The following SCN3A variants were observed in gnomAD, a reference collection of about 807,000 sequenced individuals.
The protein encoded by SCN3A is sodium voltage-gated channel alpha subunit 3.
In SCN3A, 60 loss-of-function variants were observed where a neutral mutation model predicts 187.6. The observed-to-expected ratio is 0.32, with a 90% confidence interval of 0.26 to 0.40. SCN3A has a LOEUF of 0.40. Ranked by LOEUF, SCN3A falls within the 10% of genes least tolerant of loss-of-function variation. The pLI, the probability that SCN3A is intolerant of heterozygous loss-of-function variation, is 1.00. For missense variants in SCN3A, 1,601 were observed against 2,428.2 expected (o/e 0.66, Z 7.16); for synonymous variants, 788 against 829.2 (o/e 0.95, Z 0.85).
At chr2:165,187,758 G>A (rs1025222293) in intron 1 of SCN3A, among the ~76,000 whole-genome samples, 9 of 152,050 alleles carry the variant, frequency 5.9e-5, no homozygotes, top group Non-Finnish European at 7.4e-5. Flanking sequence ...TCATGATCTG[G>A]CCTCTGCCTC....
Position 165,091,068 on chromosome 2 carries a change from A to C in SCN3A, c.5085T>G (p.Phe1695Leu). Residue 1695 changes from phenylalanine to leucine, a missense_variant, in exon 28 of 28, where the codon TTT (phenylalanine) becomes TTG (leucine). Coordinates refer to ENST00000283254, the MANE Select transcript of SCN3A (RefSeq NM_006922.4). ...GIDDMFNFET[F>L]GNSMICLFQI... is the part of the protein sequence containing the mutation. ...GGAACAAGCAGATCATGCTGTTGCC[A>C]AAGGTCTCAAAGTTGAACATGTCAT... 1.2e-6 allele frequency: 2 copies of C among 1,614,126 alleles called. No individual in the cohort carries two copies. The highest frequency in any genetic ancestry group is 1.7e-6 in the Non-Finnish European group (2 of 1,180,004).
At chr2:165,189,249 A>C (rs922307858) in intron 1 of SCN3A, among the ~76,000 whole-genome samples, 2 of 152,250 alleles carry the variant, frequency 1.3e-5, no homozygotes, top group African/African-American at 4.8e-5. Flanking sequence ...CATGCTCAAC[A>C]GACATCTTAA....
chr2:165,169,809 A>G (rs1013082314), intron 4 of SCN3A, among the ~76,000 whole-genome samples: 11 of 151,922 alleles, frequency 7.2e-5, no homozygotes, highest in African/African-American at 2.7e-4. Flanking sequence ...ATCCAAACAT[A>G]TTCTGCCCTT....
At chr2:165,134,211 C>G (rs187635727) in intron 15 of SCN3A, among the ~76,000 whole-genome samples, 3 of 152,220 alleles carry the variant, frequency 2.0e-5, no homozygotes, top group East Asian at 1.9e-4. Flanking sequence ...AACAATGAAA[C>G]AAACACAACA....
intron 1 of SCN3A, among the ~76,000 whole-genome samples, chr2:165,195,775 T>C (rs1396990292): frequency 1.3e-5 from 2 of 152,130 alleles, no homozygotes; most frequent in Non-Finnish European, 2.9e-5. Flanking sequence ...TAGAAAACCA[T>C]TCCTTACCAA....
chr2:165,149,002 T>C (rs963721339), intron 11 of SCN3A, among the ~76,000 whole-genome samples: 4 of 152,156 alleles, frequency 2.6e-5, no homozygotes, highest in African/African-American at 4.8e-5. Context: ...AATATATATA[T>C]ACCCTTTCTT....
chr2:165,195,397 T>G (rs1248306369), intron 1 of SCN3A: 1 of 152,194 alleles, frequency 6.6e-6, no homozygotes, highest in South Asian at 2.1e-4. Flanking sequence ...CACTCATTCT[T>G]CAAGTGTCAC....
chr2:165,119,873 G>A, intron 18 of SCN3A: 1 of 152,102 alleles, frequency 6.6e-6, no homozygotes, highest in East Asian at 1.9e-4. Context: ...TACTTGTCCT[G>A]AAGTAGTTAG....
intron 9 of SCN3A, among the ~76,000 whole-genome samples, chr2:165,156,830 G>A (rs1347557393): frequency 6.6e-6 from 1 of 152,018 alleles, no homozygotes; most frequent in Non-Finnish European, 1.5e-5. Flanking sequence ...GGGATTACAG[G>A]TGCGAGCCAC....
At chr2:165,128,462 T>G (rs1439803) in intron 17 of SCN3A, among the ~76,000 whole-genome samples, 2 of 152,020 alleles carry the variant, frequency 1.3e-5, no homozygotes, top group African/African-American at 4.8e-5. Flanking sequence ...AGATACTTTC[T>G]TCTTAATCAT....
intron 2 of SCN3A, among the ~76,000 whole-genome samples, chr2:165,184,376 A>G (rs1024069062): frequency 6.6e-6 from 1 of 151,254 alleles, no homozygotes; most frequent in Non-Finnish European, 1.5e-5. Flanking sequence ...CACTGTTACA[A>G]TTTCATGAGG....
intron 21 of SCN3A, among the ~76,000 whole-genome samples, chr2:165,112,573 C>A (rs992005013): frequency 5.9e-5 from 9 of 152,106 alleles, no homozygotes; most frequent in African/African-American, 2.2e-4. Flanking sequence ...AAGCTAAGTG[C>A]TTACATCTGT....
intron 9 of SCN3A, 143 bp downstream of exon 9, chr2:165,162,165 G>T: frequency 1.3e-6 from 1 of 745,480 alleles, no homozygotes; most frequent in Non-Finnish European, 2.2e-6. Flanking sequence ...CGGTAAGGCA[G>T]ACAAGGCACT....
intron 24 of SCN3A, 49 bp from the exon 25 acceptor site, chr2:165,095,697 T>C (rs1439107643): frequency 1.9e-6 from 2 of 1,048,622 alleles, no homozygotes; most frequent in African/African-American, 1.6e-5. Flanking sequence ...CTATAAATAC[T>C]TACACTAAAT....
chr2:165,104,290 C>T (rs1481233243), intron 21 of SCN3A, among the ~76,000 whole-genome samples: 1 of 151,424 alleles, frequency 6.6e-6, no homozygotes, highest in Non-Finnish European at 1.5e-5. Flanking sequence ...TATTAGCAGA[C>T]AAAGAATGAA....
intron 3 of SCN3A, among the ~76,000 whole-genome samples, chr2:165,171,234 T>C (rs1574290469): frequency 6.6e-6 from 1 of 152,092 alleles, no homozygotes; most frequent in South Asian, 2.1e-4. Context: ...TTTATTTTTT[T>C]CCCACTAGAG....
intron 11 of SCN3A, among the ~76,000 whole-genome samples, chr2:165,148,121 T>C (rs1168142003): frequency 1.4e-5 from 2 of 143,928 alleles, no homozygotes; most frequent in South Asian, 2.1e-4. Context: ...GACTAGTATG[T>C]CACCTGACAT....
chr2:165,131,533 T>G, intron 15 of SCN3A, 116 bp from the exon 16 acceptor site: 8 of 541,934 alleles, frequency 1.5e-5, no homozygotes, highest in Non-Finnish European at 1.6e-5. Flanking sequence ...AGTGAGAGAA[T>G]GTGACAAATC....
Position 165,127,788 on chromosome 2 carries a change from C to A in SCN3A, c.3236G>T (p.Ser1079Ile). 1 of 1,614,180 alleles carries A rather than the reference C, an allele frequency of 6.2e-7. No homozygotes were observed. The highest frequency in any genetic ancestry group is 8.5e-7 in the Non-Finnish European group (1 of 1,180,030). ...GTTSGVGTGS[S>I]VEKYVIDEND... ...TTCATCGATTACGTATTTTTCAACACTGCTTCCAGTACCTACACCACTGGT... is the reference window on the plus strand; with the variant it reads ...TTCATCGATTACGTATTTTTCAACAATGCTTCCAGTACCTACACCACTGGT... The change falls in exon 18 of 28, where the codon AGT becomes ATT. Residue 1079 changes from serine to isoleucine, a missense_variant. This residue lies in a region of SCN3A where 267 missense variants were observed against 313.2 expected (regional missense o/e 0.85). Coordinates refer to ENST00000283254, the MANE Select transcript of SCN3A (RefSeq NM_006922.4).
Sources: gnomAD v4.1 joint callset for allele counts (sites outside exome capture counted in the v4.1 genomes callset) on GRCh38, gnomAD v4.1.1 for gene constraint, gnomAD v4.1.1 regional missense constraint, MANE v1.5 for transcripts, NCBI Gene and HGNC (gene_info 2026-07-23, HGNC 2026-07-21) for gene names.